RNF144A: variants seen among roughly 807,000 people sequenced by gnomAD.
The protein encoded by RNF144A is E3 ubiquitin-protein ligase RNF144A.
A neutral mutation model predicts 38.7 loss-of-function variants in RNF144A; 11 were observed. The observed-to-expected ratio is 0.28, with a 90% CI of 0.18 to 0.47. RNF144A has a LOEUF of 0.47. RNF144A is among the 20% of genes least tolerant of loss of function. The probability of loss-of-function intolerance (pLI) is 0.99; values close to 1 mark genes in which losing one functional copy is unlikely to be tolerated. For synonymous variants in RNF144A, 149 were observed against 143.9 expected (o/e 1.04, Z -0.25); for missense variants, 316 against 377.2 (o/e 0.84, Z 1.34).
rs377023338 is a variant in RNF144A at position 7,055,492 on chromosome 2, A to C, written c.735-12724A>C. Among the ~76,000 whole-genome samples, 4 of 152,232 alleles carry C rather than the reference A, an allele frequency of 2.6e-5. No individual in the cohort carries two copies. In the South Asian group the frequency reaches 8.3e-4, roughly 32 times the overall value. On this transcript the variant is annotated intron_variant, in intron 6 of 6. Coordinates refer to the RNF144A transcript ENST00000432850. ...GTTCCTTCTCAAAACCATTCTTGAC[A>C]CTGACCTCTTTAGCACTCACACATC...
the RNF144A span, among the ~76,000 whole-genome samples, chr2:7,073,614 C>T: frequency 6.6e-5 from 10 of 152,182 alleles, no homozygotes; most frequent in African/African-American, 1.4e-4. Context: ...GATGCCTGGC[C>T]ATTGACTGTG....
chr2:6,924,636 CCCTT>C (rs1490637317), intron 1 of RNF144A, among the ~76,000 whole-genome samples: 1 of 152,240 alleles, frequency 6.6e-6, no homozygotes, highest in Admixed American at 6.5e-5. Flanking sequence ...GCCTCCATCT[CCCTT>C]CCGAGTGCGG....
downstream of RNF144A, among the ~76,000 whole-genome samples, chr2:7,045,113 A>C (rs561571840): frequency 5.3e-5 from 8 of 152,344 alleles, no homozygotes; most frequent in South Asian, 1.0e-3. Flanking sequence ...AGCCAAGCAA[A>C]ACTGAGAAGT....
At chr2:6,935,072 C>CA (rs35268138) in intron 1 of RNF144A, among the ~76,000 whole-genome samples, 40,022 of 152,046 alleles carry the variant, frequency 0.26, 5,520 homozygotes, top group Middle Eastern at 0.35. Flanking sequence ...TCCCTTGAGA[C>CA]ATATGCCATC....
At chr2:7,012,235 T>C (rs1670865115) in intron 3 of RNF144A, among the ~76,000 whole-genome samples, 1 of 152,168 alleles carries the variant, frequency 6.6e-6, no homozygotes, top group African/African-American at 2.4e-5. Flanking sequence ...AAGAGACAAA[T>C]CACGTAAGTA....
At chr2:6,934,130 G>C (rs1410031015) in intron 1 of RNF144A, among the ~76,000 whole-genome samples, 1 of 152,102 alleles carries the variant, frequency 6.6e-6, no homozygotes, top group East Asian at 1.9e-4. Flanking sequence ...GCTAAGAAAT[G>C]GATGAAAGTT....
chr2:6,927,159 C>T (rs1234890423), intron 1 of RNF144A, among the ~76,000 whole-genome samples: 2 of 152,200 alleles, frequency 1.3e-5, no homozygotes, highest in Non-Finnish European at 1.5e-5. Flanking sequence ...TTTCATATGC[C>T]GAATAAATAT....
At position 7,020,515 on chromosome 2, in the gene RNF144A, C is replaced by T; in HGVS notation, c.344C>T (p.Thr115Ile). 3.1e-6 allele frequency: 5 copies of T among 1,613,852 alleles called. No individual in the cohort carries two copies. The highest frequency in any genetic ancestry group is 1.1e-5 in the South Asian group (1 of 91,082). The change falls in exon 6 of 9, where the codon ACC becomes ATC. Residue 115 changes from threonine to isoleucine, a missense_variant. Transcript: ENST00000320892. ...DPCRTWCPAS[T>I]CQAVCQLQDV... ...TGTCGGACTTGGTGCCCGGCGTCCA[C>T]CTGCCAAGCTGTGTGTCAGCTCCAG...
At chr2:6,966,893 C>T (rs1667700221) in intron 2 of RNF144A, among the ~76,000 whole-genome samples, 1 of 152,150 alleles carries the variant, frequency 6.6e-6, no homozygotes. Context: ...TATATCCTGG[C>T]CACTTCCACC....
downstream of RNF144A, among the ~76,000 whole-genome samples, chr2:7,048,559 G>A (rs114364828): frequency 3.8e-3 from 584 of 152,302 alleles, 8 homozygotes; most frequent in African/African-American, 0.013. Context: ...GAAGGTCAAG[G>A]ATGGGCCAAC....
intron 6 of RNF144A, among the ~76,000 whole-genome samples, chr2:7,058,832 T>C (rs1478199505): frequency 2.0e-5 from 3 of 152,100 alleles, no homozygotes; most frequent in Admixed American, 2.0e-4. Flanking sequence ...GTTAAACAGT[T>C]TTTTTTTCTA....
chr2:7,006,981 C>G (rs577911976), intron 3 of RNF144A, among the ~76,000 whole-genome samples: 71 of 152,300 alleles, frequency 4.7e-4, no homozygotes, highest in African/African-American at 1.7e-3. Context: ...TGAAGGGCCA[C>G]TCTGGAAGCC....
chr2:6,946,872 G>A (rs1666374876), intron 2 of RNF144A, among the ~76,000 whole-genome samples: 1 of 152,126 alleles, frequency 6.6e-6, no homozygotes, highest in South Asian at 2.1e-4. Flanking sequence ...AATGACTAAT[G>A]TCTTGGTTGT....
chr2:6,960,435 G>A (rs1667265626), intron 2 of RNF144A, among the ~76,000 whole-genome samples: 1 of 152,218 alleles, frequency 6.6e-6, no homozygotes, highest in Admixed American at 6.5e-5. Flanking sequence ...GTCGGGGTGA[G>A]TCCACCTGGG....
intron 2 of RNF144A, among the ~76,000 whole-genome samples, chr2:6,945,276 A>T (rs1252459062): frequency 6.6e-6 from 1 of 152,238 alleles, no homozygotes; most frequent in Non-Finnish European, 1.5e-5. Flanking sequence ...AGAAATGAGC[A>T]GTATTTTTAG....
At chr2:7,062,399 C>T (rs1398445564) in intron 6 of RNF144A, among the ~76,000 whole-genome samples, 1 of 150,452 alleles carries the variant, frequency 6.6e-6, no homozygotes, top group Non-Finnish European at 1.5e-5. Context: ...CATTCTTCCT[C>T]TAGCTGGGAG....
At chr2:7,014,795 G>A (rs748914711) in intron 5 of RNF144A, 23 bp downstream of exon 5, 47 of 1,546,966 alleles carry the variant, frequency 3.0e-5, no homozygotes, top group African/African-American at 4.1e-5. Flanking sequence ...TATATCTGCC[G>A]GTTATGATTC....
At chr2:7,057,038 G>A (rs1469458094) in intron 6 of RNF144A, among the ~76,000 whole-genome samples, 4 of 152,142 alleles carry the variant, frequency 2.6e-5, no homozygotes, top group Non-Finnish European at 4.4e-5. Context: ...CCAGTCTGGT[G>A]TTTATCAGAG....
chr2:7,020,507 G>C lies in RNF144A; in HGVS notation c.336G>C (p.Pro112=), dbSNP rs755909662. 3.1e-6 allele frequency: 5 copies of C among 1,613,586 alleles called. No individual in the cohort carries two copies. Among genetic ancestry groups the C allele is most frequent in the African/African-American group, 2.7e-5 (2 of 74,894 alleles). ...VLFDPCRTWC[P]ASTCQAVCQL... ...TTGATCCCTGTCGGACTTGGTGCCC[G>C]GCGTCCACCTGCCAAGCTGTGTGTC... The change falls in exon 6 of 9, where the codon CCG becomes CCC. Residue 112 remains proline, a synonymous_variant. Transcript: ENST00000320892.
Sources: allele counts gnomAD v4.1 joint callset (sites outside exome capture counted in the v4.1 genomes callset), GRCh38; gene constraint gnomAD v4.1.1; transcripts MANE v1.5; gene names NCBI Gene and HGNC (gene_info 2026-07-23, HGNC 2026-07-21).